The following RBFOX1 variants were observed in gnomAD, a reference collection of about 807,000 sequenced individuals.
RBFOX1 encodes RNA binding protein fox-1 homolog 1.
Under a neutral mutation model 57.7 loss-of-function variants are expected in RBFOX1, and 8 were observed. The observed-to-expected ratio is 0.14, with a 90% confidence interval of 0.08 to 0.25. The LOEUF is 0.25. RBFOX1 is among the 10% of genes least tolerant of loss of function. The pLI is 1.00. For synonymous variants in RBFOX1, 326 were observed against 222.4 expected (o/e 1.47, Z -4.15); for missense variants, 611 against 548.5 (o/e 1.11, Z -1.14).
At chr16:5,743,848 A>G (rs564908338) in intron 3 of RBFOX1, among the ~76,000 whole-genome samples, 4 of 152,284 alleles carry the variant, frequency 2.6e-5, no homozygotes, top group South Asian at 2.1e-4. Flanking sequence ...CAGCCTTGCA[A>G]TGAATTTTTA....
chr16:5,980,669 C>T (rs2060153625), intron 4 of RBFOX1, among the ~76,000 whole-genome samples: 2 of 152,150 alleles, frequency 1.3e-5, no homozygotes, highest in Non-Finnish European at 2.9e-5. Flanking sequence ...CATTAGACAA[C>T]ATTAATTAAT....
chr16:6,111,263 T>A (rs2096443580), intron 1 of RBFOX1, among the ~76,000 whole-genome samples: 1 of 152,232 alleles, frequency 6.6e-6, no homozygotes, highest in African/African-American at 2.4e-5. Flanking sequence ...ACCCCATTGT[T>A]GGACATACAG....
intron 1 of RBFOX1, among the ~76,000 whole-genome samples, chr16:6,081,966 G>C (rs1438593340): frequency 6.6e-6 from 1 of 152,134 alleles, no homozygotes; most frequent in East Asian, 1.9e-4. Context: ...AGGGATTATA[G>C]TCACATGGTG....
chr16:7,217,963 C>G (rs1371272003), intron 4 of RBFOX1, among the ~76,000 whole-genome samples: 1 of 148,556 alleles, frequency 6.7e-6, no homozygotes, highest in East Asian at 2.0e-4. Flanking sequence ...CACATGTGTA[C>G]CTGTGTCTGC....
intron 5 of RBFOX1, among the ~76,000 whole-genome samples, chr16:7,565,042 G>C (rs1048916691): frequency 6.6e-6 from 1 of 152,186 alleles, no homozygotes; most frequent in African/African-American, 2.4e-5. Flanking sequence ...TTTGCCGACG[G>C]AGCTCAAATG....
chr16:7,576,432 T>C (rs951506747), intron 5 of RBFOX1, among the ~76,000 whole-genome samples: 2 of 152,190 alleles, frequency 1.3e-5, no homozygotes, highest in African/African-American at 4.8e-5. Context: ...CTCTACTTCC[T>C]AACACTCTTC....
intron 4 of RBFOX1, among the ~76,000 whole-genome samples, chr16:7,381,072 T>A (rs533393232): frequency 2.0e-5 from 3 of 152,352 alleles, no homozygotes; most frequent in African/African-American, 7.2e-5. Flanking sequence ...AGTTTGTGAA[T>A]ACACTGGAGA....
At chr16:7,514,102 C>G (rs1308765780) in intron 4 of RBFOX1, among the ~76,000 whole-genome samples, 1 of 152,060 alleles carries the variant, frequency 6.6e-6, no homozygotes, top group Non-Finnish European at 1.5e-5. Context: ...TATTAGAAAA[C>G]ATTTTCCACA....
intron 1 of RBFOX1, among the ~76,000 whole-genome samples, chr16:6,230,880 C>T (rs976149603): frequency 2.6e-5 from 4 of 152,144 alleles, no homozygotes; most frequent in Admixed American, 6.6e-5. Flanking sequence ...CACTCACTGA[C>T]TGTATCGTGT....
chr16:5,524,501 C>T (rs925779138), intron 2 of RBFOX1, among the ~76,000 whole-genome samples: 1 of 151,026 alleles, frequency 6.6e-6, no homozygotes, highest in Non-Finnish European at 1.5e-5. Flanking sequence ...GGTTTATACC[C>T]AGTAGTACCC....
At chr16:6,430,373 C>CAA (rs1471324182) in intron 2 of RBFOX1, among the ~76,000 whole-genome samples, 5 of 152,036 alleles carry the variant, frequency 3.3e-5, no homozygotes, top group Non-Finnish European at 5.9e-5. Flanking sequence ...AGAATTTGTA[C>CAA]AAAGAAAGGA....
intron 4 of RBFOX1, among the ~76,000 whole-genome samples, chr16:7,094,941 T>C (rs2061460748): frequency 6.6e-6 from 1 of 152,150 alleles, no homozygotes; most frequent in Non-Finnish European, 1.5e-5. Flanking sequence ...AAATATTGTA[T>C]CTGTAAACAT....
chr16:7,663,784 A>C (rs566407262), intron 12 of RBFOX1, among the ~76,000 whole-genome samples: 145 of 152,306 alleles, frequency 9.5e-4, no homozygotes, highest in South Asian at 4.8e-3. Flanking sequence ...TTCATATGCA[A>C]GATGCCTTGT....
chr16:7,472,756 G>C (rs917110909), intron 4 of RBFOX1, among the ~76,000 whole-genome samples: 2 of 152,110 alleles, frequency 1.3e-5, no homozygotes, highest in South Asian at 4.1e-4. Context: ...TGGCAAAATT[G>C]TTTCACTAAG....
At chr16:7,034,827 C>CTTTTTTTTTTTTTTTTTTT (rs113413414) in intron 3 of RBFOX1, among the ~76,000 whole-genome samples, 1 of 54,114 alleles carries the variant, frequency 1.8e-5, no homozygotes, top group Non-Finnish European at 3.1e-5. Flanking sequence ...TATTGCATTA[C>CTTTTTTTTTTTTTTTTTTT]TTTTTTTTTT....
chr16:7,315,099 T>C (rs937501430), intron 4 of RBFOX1, among the ~76,000 whole-genome samples: 1 of 152,116 alleles, frequency 6.6e-6, no homozygotes, highest in Non-Finnish European at 1.5e-5. Context: ...CTCTTTTTTT[T>C]TTTTTAATGA....
chr16:6,056,909 G>T (rs1255274096), intron 1 of RBFOX1: 1 of 150,810 alleles, frequency 6.6e-6, no homozygotes, highest in African/African-American at 2.4e-5. Flanking sequence ...ACGGAGTGCA[G>T]ATTAATAACC....
chr16:7,035,252 T>C (rs577525061), intron 3 of RBFOX1, among the ~76,000 whole-genome samples: 1 of 152,204 alleles, frequency 6.6e-6, no homozygotes, highest in Non-Finnish European at 1.5e-5. Flanking sequence ...AAGTGAGAAC[T>C]GTACTTGGGA....
chr16:6,310,045 G>T (rs554106061), intron 1 of RBFOX1, among the ~76,000 whole-genome samples: 1 of 152,044 alleles, frequency 6.6e-6, no homozygotes, highest in Non-Finnish European at 1.5e-5. Flanking sequence ...CTGCCACCAC[G>T]CCCAGCTAAT....
Sources: gnomAD v4.1 joint callset for allele counts (sites outside exome capture counted in the v4.1 genomes callset) on GRCh38, gnomAD v4.1.1 for gene constraint, MANE v1.5 for transcripts, NCBI Gene and HGNC (gene_info 2026-07-23, HGNC 2026-07-21) for gene names.